The following CTPS1 variants were observed in gnomAD, a reference collection of about 807,000 sequenced individuals.
CTPS1 encodes CTP synthase 1.
CTPS1 carries 25 observed loss-of-function variants against 80.5 expected under a neutral mutation model. The ratio of observed to expected loss-of-function variants is 0.31; its 90% CI spans 0.23 to 0.43. CTPS1 has a LOEUF of 0.43. Among genes scored for constraint, CTPS1 ranks in the 20% least tolerant of loss-of-function variants. The probability of loss-of-function intolerance (pLI) is 1.00; values close to 1 mark genes in which losing one functional copy is unlikely to be tolerated. For missense variants in CTPS1, 442 were observed against 725.7 expected, an observed-to-expected ratio of 0.61 and a Z score of 4.49; for synonymous variants, 267 against 252.5, an observed-to-expected ratio of 1.06 and a Z score of -0.54.
In CTPS1 at chr1:41,007,678, C is replaced by A. The variant is rs1036872761; in HGVS notation, c.1393+133C>A. The A allele has an allele frequency of 1.5e-6, 1 of 688,428 alleles. No individual in the cohort carries two copies. Among genetic ancestry groups the A allele is most frequent in the Non-Finnish European group, 2.5e-6 (1 of 396,440 alleles). 42.6% of individuals were successfully genotyped at this position (688,428 alleles called of 1,614,324 possible). On this transcript the variant is annotated intron_variant, in intron 14 of 18. Coordinates refer to ENST00000650070, the MANE Select transcript of CTPS1 (RefSeq NM_001905.4). The surrounding 1 kb of genome is among the most constrained non-coding windows in gnomAD (Gnocchi z 4.4). ...TTCTTGCTTTTGAAGTTCATTCTTT[C>A]CTCTCTTATTCATACCCTTTTAGGA...
At position 41,001,158 on chromosome 1, in the gene CTPS1, GGTTT is replaced by G. The variant is rs1360579872; in HGVS notation, c.1094+46_1094+49del. 4 of 1,486,180 alleles carry G rather than the reference GGTTT, an allele frequency of 2.7e-6. No individual in the cohort carries two copies. In the African/African-American group the frequency reaches 4.2e-5, roughly 16 times the overall value. 92.1% of individuals were successfully genotyped at this position (1,486,180 alleles called of 1,614,324 possible). A position where few individuals can be genotyped will look rare whatever the true frequency, so the allele number is the denominator to read the frequency against. On this transcript the variant is annotated intron_variant, in intron 10 of 18. Coordinates refer to ENST00000650070, the MANE Select transcript of CTPS1 (RefSeq NM_001905.4). ...TGCCTTGGGTTTCCAGAGTTCTTTT[GGTTT>G]GTTTTAATGAAAAAGTCCTCTTGTT...
intron 5 of CTPS1, among the ~76,000 whole-genome samples, chr1:40,989,330 C>T (rs1193160883): frequency 1.3e-5 from 2 of 152,196 alleles, no homozygotes; most frequent in Non-Finnish European, 2.9e-5. Flanking sequence ...CAGTTGAGGG[C>T]AGTAACACTG....
chr1:40,983,106 G>A, intron 1 of CTPS1, 172 bp from the exon 2 acceptor site: 1 of 509,492 alleles, frequency 2.0e-6, no homozygotes, highest in Non-Finnish European at 3.5e-6. Flanking sequence ...TCCAAGAAAT[G>A]TTTGTTTTGA....
At chr1:40,987,927 T>C (rs1003989832) in intron 4 of CTPS1, among the ~76,000 whole-genome samples, 2 of 152,196 alleles carry the variant, frequency 1.3e-5, no homozygotes, top group African/African-American at 4.8e-5. Context: ...AATACTTTTT[T>C]TTTGAGACAG....
chr1:41,008,816 G>A lies in CTPS1; in HGVS notation c.1472G>A (p.Cys491Tyr). Reference protein sequence around the residue: ...RFEVNPVWKKCLEEQGLKFVG... With the variant: ...RFEVNPVWKKYLEEQGLKFVG... ...CAGGTGAATCCAGTCTGGAAAAAGT[G>A]TTTGGAAGAACAAGGCTTGAAGTTT... Residue 491 changes from cysteine to tyrosine, a missense_variant, in exon 16 of 19, where the codon TGT becomes TAT. By Grantham distance (194) the Cys-to-Tyr change is radical. This residue lies in a region of CTPS1 where 321 missense variants were observed against 467.2 expected (regional missense o/e 0.69). Transcript: ENST00000650070. 2 of 1,614,192 alleles carry A rather than the reference G, an allele frequency of 1.2e-6. No homozygotes were observed. Among genetic ancestry groups the A allele is most frequent in the Non-Finnish European group, 1.7e-6 (2 of 1,180,024 alleles).
intron 17 of CTPS1, 36 bp from the exon 18 acceptor site, chr1:41,010,125 G>A: frequency 6.7e-7 from 1 of 1,503,338 alleles, no homozygotes; most frequent in Non-Finnish European, 9.2e-7. Context: ...TGAGTTTTTG[G>A]TGGGAGATGA....
intron 1 of CTPS1, 44 bp from the exon 2 acceptor site, chr1:40,983,234 T>G (rs778065730): frequency 1.3e-6 from 2 of 1,548,618 alleles, no homozygotes; most frequent in Non-Finnish European, 1.8e-6. Flanking sequence ...GAGTTTGGTT[T>G]GTTGAGATAC....
At chr1:40,996,267 G>T (rs571300676) in intron 8 of CTPS1, 199 bp downstream of exon 8, 6 of 613,768 alleles carry the variant, frequency 9.8e-6, no homozygotes, top group Non-Finnish European at 1.7e-5. Flanking sequence ...ATCCTGATAG[G>T]GCCAGGCCAG....
chr1:40,980,269 A>G (rs934351932), intron 1 of CTPS1: 2 of 151,792 alleles, frequency 1.3e-5, no homozygotes, highest in African/African-American at 4.8e-5. Flanking sequence ...CCATTCAAGC[A>G]GTGCGGGCCT....
rs776310492 is a variant in CTPS1 at position 40,995,931 on chromosome 1, C to A, written c.735C>A (p.His245Gln). 1 of 1,613,932 alleles carries A rather than the reference C, an allele frequency of 6.2e-7. No individual in the cohort carries two copies. Among genetic ancestry groups the A allele is most frequent in the Admixed American group, 1.7e-5 (1 of 59,992 alleles). Reference protein sequence around the residue: ...HVEPEQVICVHDVSSIYRVPL... With the variant: ...HVEPEQVICVQDVSSIYRVPL... ...TTTCTAAACAGGTGATCTGTGTCCACGATGTCTCATCCATCTACCGAGTCC... is the reference window on the plus strand; with the variant it reads ...TTTCTAAACAGGTGATCTGTGTCCAAGATGTCTCATCCATCTACCGAGTCC... Residue 245 changes from histidine to glutamine, a missense_variant, in exon 8 of 19, where the codon CAC (histidine) becomes CAA (glutamine). Around this residue, in one of 4 missense-constraint regions of CTPS1, gnomAD observed 321 missense variants for 467.2 expected, o/e 0.69. Coordinates refer to ENST00000650070, the MANE Select transcript of CTPS1 (RefSeq NM_001905.4).
chr1:40,991,888 T>C (rs745857706), intron 7 of CTPS1, 43 bp downstream of exon 7: 17 of 1,442,992 alleles, frequency 1.2e-5, no homozygotes, highest in Non-Finnish European at 1.2e-5. Flanking sequence ...TTTTTGCTTC[T>C]AATTGTCCTA....
chr1:40,982,028 TTCATTTTGGTC>T (rs777745226), intron 1 of CTPS1: 1 of 1,288,300 alleles, frequency 7.8e-7, no homozygotes, highest in South Asian at 1.2e-5. Flanking sequence ...AATTGTGTTT[TTCATTTTGGTC>T]ACATTTGGGT....
At chr1:40,999,554 G>A (rs1031790864) in intron 9 of CTPS1, among the ~76,000 whole-genome samples, 3 of 152,166 alleles carry the variant, frequency 2.0e-5, no homozygotes, top group African/African-American at 7.2e-5. Context: ...CCCCTAGAGC[G>A]GCTGAGTGTT....
chr1:41,008,458 GT>G (rs1378224217), intron 14 of CTPS1, among the ~76,000 whole-genome samples, 200 bp from the exon 15 acceptor site: 1 of 152,192 alleles, frequency 6.6e-6, no homozygotes, highest in African/African-American at 2.4e-5. Context: ...TTTCTGTAGT[GT>G]TGTCAGAAAG....
At position 41,007,415 on chromosome 1, in the gene CTPS1, C is replaced by T. The variant is rs1167884387; in HGVS notation, c.1297-34C>T. The stretch of plus-strand genomic sequence containing the variant: ...GTTTCTCTCTAGCGGAAGCAGAGTT[C>T]TGTAGTTGGTGTCTGTTTTCTGAAC... On this transcript the variant is annotated intron_variant, in intron 13 of 18. Transcript: ENST00000650070. The surrounding 1 kb of genome is among the most constrained non-coding windows in gnomAD (Gnocchi z 4.4). 1 of 1,592,730 alleles carries T rather than the reference C, an allele frequency of 6.3e-7. No individual in the cohort carries two copies. Among genetic ancestry groups the T allele is most frequent in the Non-Finnish European group, 8.6e-7 (1 of 1,161,190 alleles).
At position 40,987,458 on chromosome 1, in the gene CTPS1, G is replaced by T. The variant is rs1230245306; in HGVS notation, c.424G>T (p.Val142Leu). Reference protein sequence around the residue: ...PVDEDGLEPQVCVIELGGTVG... With the variant: ...PVDEDGLEPQLCVIELGGTVG... ...AGATGAAGATGGCCTGGAACCTCAA[G>T]TGTGTGTTATTGAGGTTTGTATGAT... Residue 142 changes from valine to leucine, a missense_variant, in exon 4 of 19, where the codon GTG becomes TTG. Transcript: ENST00000650070. 3.1e-6 allele frequency: 5 copies of T among 1,610,130 alleles called. No individual in the cohort carries two copies. The Admixed American group carries it at 6.7e-5, about 21-fold the overall frequency.
chr1:41,010,218 GA>G lies in CTPS1; in HGVS notation c.1751del (p.Lys584SerfsTer5). 1 of 1,613,916 alleles carries G rather than the reference GA, an allele frequency of 6.2e-7. No individual in the cohort carries two copies. Among genetic ancestry groups the G allele is most frequent in the Non-Finnish European group, 8.5e-7 (1 of 1,179,764 alleles). Reference sequence around the variant, plus strand: ...CCCCTGACTCTGAAATCACCGAACTGAAGTTTCCATCAATAAATCATGACTG... The same window carrying G: ...CCCCTGACTCTGAAATCACCGAACTGAGTTTCCATCAATAAATCATGACTG... Reference protein sequence around the residue: ...SSPDSEITELKFPSINHD With the variant: ...SSPDSEITELXFPSINHD On this transcript the variant is annotated frameshift_variant, in exon 18 of 19. Coordinates refer to ENST00000650070, the MANE Select transcript of CTPS1 (RefSeq NM_001905.4). LOFTEE classifies it high-confidence loss of function.
chr1:41,002,296 A>G (rs1642921799), intron 11 of CTPS1, 42 bp downstream of exon 11: 5 of 1,543,948 alleles, frequency 3.2e-6, no homozygotes, highest in Non-Finnish European at 4.5e-6. Context: ...AGAGTAGGAA[A>G]GAGTGGGGAA....
intron 11 of CTPS1, 35 bp from the exon 12 acceptor site, chr1:41,003,079 T>C (rs772197490): frequency 1.2e-6 from 2 of 1,612,186 alleles, no homozygotes; most frequent in South Asian, 1.1e-5. Flanking sequence ...GCCTTTTCAA[T>C]GGAGTTTTGT....
Sources: allele counts gnomAD v4.1 joint callset (sites outside exome capture counted in the v4.1 genomes callset), GRCh38; gene constraint gnomAD v4.1.1; regional missense constraint gnomAD v4.1.1; non-coding constraint Gnocchi (gnomAD v3.1); transcripts MANE v1.5; gene names NCBI Gene and HGNC (gene_info 2026-07-23, HGNC 2026-07-21).